The following AGXT2 variants were observed in gnomAD, a reference collection of about 807,000 sequenced individuals.
AGXT2 encodes alanine--glyoxylate aminotransferase 2, mitochondrial.
Under a neutral mutation model 62.5 loss-of-function variants are expected in AGXT2, and 61 were observed. That is an observed-to-expected ratio of 0.98 (90% confidence interval 0.79 to 1.21). The LOEUF is 1.21. Among genes scored for constraint, AGXT2 ranks in the 50% most tolerant of loss-of-function variants. The pLI is 0.00. For synonymous variants in AGXT2, 243 were observed against 218.7 expected, an observed-to-expected ratio of 1.11 and a Z score of -0.98; for missense variants, 666 against 641.5, an observed-to-expected ratio of 1.04 and a Z score of -0.41.
At chr5:35,021,770 A>T (rs1164332679) in intron 9 of AGXT2, among the ~76,000 whole-genome samples, 2 of 151,952 alleles carry the variant, frequency 1.3e-5, no homozygotes, top group Admixed American at 1.3e-4. Context: ...AGAAACTACC[A>T]TCAGAGTGAA....
At chr5:35,011,915 T>TACACACAC (rs57016954) in intron 11 of AGXT2, among the ~76,000 whole-genome samples, 49 of 140,920 alleles carry the variant, frequency 3.5e-4, no homozygotes, top group East Asian at 2.1e-4. Flanking sequence ...ATGTGGTGTA[T>TACACACAC]ACACACACAC....
At chr5:35,003,167 C>G (rs1766296520) in intron 13 of AGXT2, among the ~76,000 whole-genome samples, 1 of 152,096 alleles carries the variant, frequency 6.6e-6, no homozygotes, top group Admixed American at 6.5e-5. Context: ...GGGGAGGGCT[C>G]GACCTCTGAA....
At chr5:35,019,612 A>G (rs931366174) in intron 9 of AGXT2, among the ~76,000 whole-genome samples, 1 of 152,218 alleles carries the variant, frequency 6.6e-6, no homozygotes, top group African/African-American at 2.4e-5. Context: ...AATGCCCACA[A>G]GAGAAAGCAG....
chr5:35,039,371 C>T lies in AGXT2; in HGVS notation c.315G>A (p.Leu105=), dbSNP rs1210831424. Reference sequence around the variant, plus strand: ...CAGTAACAATCCCGGAAAAGAAATCCAGGTATCTGCTTCCTTCAGCATCAA... The same window carrying T: ...CAGTAACAATCCCGGAAAAGAAATCTAGGTATCTGCTTCCTTCAGCATCAA... ...WLFDAEGSRY[L]DFFSGIVTVS... Residue 105 remains leucine, a synonymous_variant, in exon 3 of 14, where the codon CTG becomes CTA. Coordinates refer to ENST00000231420, the MANE Select transcript of AGXT2 (RefSeq NM_031900.4). 1.2e-6 allele frequency: 2 copies of T among 1,613,992 alleles called. No individual in the cohort carries two copies. Among genetic ancestry groups the T allele is most frequent in the South Asian group, 2.2e-5 (2 of 91,084 alleles).
chr5:35,025,946 CA>C, intron 8 of AGXT2, 91 bp from the exon 9 acceptor site: 1 of 1,084,152 alleles, frequency 9.2e-7, no homozygotes, highest in Non-Finnish European at 1.4e-6. Flanking sequence ...TCATCATTAT[CA>C]TGACAGTAAC....
chr5:35,044,108 T>C (rs970373703), intron 1 of AGXT2, among the ~76,000 whole-genome samples: 1 of 152,152 alleles, frequency 6.6e-6, no homozygotes, highest in African/African-American at 2.4e-5. Context: ...GAAAGGAAGA[T>C]TTCATCCTCC....
In AGXT2 at chr5:35,014,050, T is replaced by C. The variant is rs534977787; in HGVS notation, c.1033A>G (p.Ile345Val). The C allele has an allele frequency of 8.7e-6, 14 of 1,614,074 alleles. No individual in the cohort carries two copies. Among genetic ancestry groups the C allele is most frequent in the South Asian group, 6.6e-5 (6 of 91,080 alleles). ...CCAATCCCTTTAGCCATGGTGACAA[T>C]GTCAGGCAGGACATCGTGGGTTTGG... ...GFQTHDVLPD[I>V]VTMAKGIGNG... Residue 345 changes from isoleucine (I) to valine (V), a missense_variant, in exon 10 of 14, where the codon ATT (isoleucine) becomes GTT (valine). Coordinates refer to ENST00000231420, the MANE Select transcript of AGXT2 (RefSeq NM_031900.4).
intron 12 of AGXT2, among the ~76,000 whole-genome samples, chr5:35,006,595 C>T (rs1171447819): frequency 6.6e-6 from 1 of 152,190 alleles, no homozygotes; most frequent in Middle Eastern, 3.2e-3. Flanking sequence ...AATCCGCCCC[C>T]ATGATCCAAA....
intron 9 of AGXT2, among the ~76,000 whole-genome samples, chr5:35,017,808 G>T (rs1327363817): frequency 2.0e-5 from 3 of 152,172 alleles, no homozygotes; most frequent in Non-Finnish European, 4.4e-5. Flanking sequence ...CAAAGGCAAA[G>T]AAGTTGAAAA....
At chr5:35,040,538 C>A in intron 2 of AGXT2, 37 bp downstream of exon 2, 1 of 1,579,492 alleles carries the variant, frequency 6.3e-7, no homozygotes, top group Non-Finnish European at 8.7e-7. Flanking sequence ...CCCAGAGAAA[C>A]TACCTCTTTG....
At chr5:35,034,813 C>T (rs2112270378) in intron 5 of AGXT2, among the ~76,000 whole-genome samples, 1 of 152,202 alleles carries the variant, frequency 6.6e-6, no homozygotes. Flanking sequence ...TGGACAGCTC[C>T]TTATCATAAG....
chr5:35,026,421 C>T lies in AGXT2; in HGVS notation c.859G>A (p.Glu287Lys), dbSNP rs1323258713. 1.9e-6 allele frequency: 3 copies of T among 1,613,984 alleles called. No individual in the cohort carries two copies. In the Admixed American group the frequency reaches 5.0e-5, roughly 27 times the overall value. ...VAKSIAGFFA[E>K]PIQGVNGVVQ... ...GTTCATATACCCACTTGAATAGGTT[C>T]TGCGAAAAATCCAGCAATTGACTTG... Residue 287 changes from glutamate to lysine, a missense_variant, in exon 8 of 14, where the codon GAA becomes AAA. Physicochemically the swap from Glu to Lys is moderately conservative, Grantham distance 56. Coordinates refer to ENST00000231420, the MANE Select transcript of AGXT2 (RefSeq NM_031900.4).
intron 9 of AGXT2, among the ~76,000 whole-genome samples, chr5:35,017,274 G>A (rs138070994): frequency 3.2e-4 from 48 of 152,200 alleles, no homozygotes; most frequent in African/African-American, 1.1e-3. Context: ...TCCTACTAAC[G>A]GCATAAGCTT....
intron 2 of AGXT2, among the ~76,000 whole-genome samples, chr5:35,040,007 A>G (rs1046868647): frequency 2.0e-5 from 3 of 152,154 alleles, no homozygotes; most frequent in African/African-American, 7.2e-5. Flanking sequence ...ACCTGTAAGT[A>G]TCATGTCGAA....
At position 35,012,828 on chromosome 5, in the gene AGXT2, A is replaced by T. The variant is rs569897451; in HGVS notation, c.1188+126T>A. On this transcript the variant is annotated intron_variant, in intron 11 of 13. Coordinates refer to ENST00000231420, the MANE Select transcript of AGXT2 (RefSeq NM_031900.4). ...AATAATAAATGGAAATCTAACTTTAATGGATAAACTATGAATTAACTCTCC... is the reference window on the plus strand; with the variant it reads ...AATAATAAATGGAAATCTAACTTTATTGGATAAACTATGAATTAACTCTCC... 18 of 926,728 alleles carry T rather than the reference A, an allele frequency of 1.9e-5. No individual in the cohort carries two copies. In the East Asian group the frequency reaches 4.5e-4, roughly 23 times the overall value. The allele number at this position is 926,728 out of a possible 1,614,324, so 57.4% of individuals were successfully genotyped here. A position where few individuals can be genotyped will look rare whatever the true frequency, so the allele number is the denominator to read the frequency against.
In AGXT2 at chr5:35,039,332, A is replaced by G. The variant is rs2279651; in HGVS notation, c.354T>C (p.His118=). ...ATTTTAAGGATACTCACGGGTGGCA[A>G]TGGCCAACACTGACAGTAACAATCC... ...FSGIVTVSVG[H]CHPKVNAVAQ... is the part of the protein sequence containing the mutation. The change falls in exon 3 of 14, where the codon CAT becomes CAC. Residue 118 remains histidine, a synonymous_variant. Coordinates refer to ENST00000231420, the MANE Select transcript of AGXT2 (RefSeq NM_031900.4). The G allele has an allele frequency of 0.56, 896,769 of 1,612,958 alleles. 256,644 individuals carry two copies. The highest frequency in any genetic ancestry group is 0.6 in the Non-Finnish European group (705,838 of 1,179,158).
intron 13 of AGXT2, among the ~76,000 whole-genome samples, chr5:35,002,065 C>T (rs1413683578): frequency 2.0e-5 from 3 of 152,120 alleles, no homozygotes; most frequent in Non-Finnish European, 4.4e-5. Flanking sequence ...TTGCTTAGCA[C>T]ATAACAAATT....
chr5:35,013,497 C>T (rs1025696985), intron 10 of AGXT2, among the ~76,000 whole-genome samples: 2 of 152,270 alleles, frequency 1.3e-5, no homozygotes, highest in Non-Finnish European at 2.9e-5. Flanking sequence ...AATGGGCTGG[C>T]TTTCGGATAG....
chr5:35,036,674 A>T (rs1303096767), intron 4 of AGXT2, among the ~76,000 whole-genome samples: 2 of 152,202 alleles, frequency 1.3e-5, no homozygotes, highest in Non-Finnish European at 1.5e-5. Flanking sequence ...GCAACCAAAG[A>T]GAGGCAGAGG....
Sources: gnomAD v4.1 joint callset for allele counts (sites outside exome capture counted in the v4.1 genomes callset) on GRCh38, gnomAD v4.1.1 for gene constraint, MANE v1.5 for transcripts, NCBI Gene and HGNC (gene_info 2026-07-23, HGNC 2026-07-21) for gene names.